ADAMTSL1: variants seen among roughly 807,000 people sequenced by gnomAD.
ADAMTSL1 encodes ADAMTS like 1.
ADAMTSL1 carries 126 observed loss-of-function variants against 201.8 expected under a neutral mutation model. That is an observed-to-expected ratio of 0.62 (90% confidence interval 0.54 to 0.72). The LOEUF is 0.72. Ranked by LOEUF, ADAMTSL1 falls within the 30% of genes least tolerant of loss-of-function variation. The pLI is 0.00. For missense variants in ADAMTSL1, 2,679 were observed against 2,277.8 expected, an observed-to-expected ratio of 1.18 and a Z score of -3.59; for synonymous variants, 1,121 against 903.4, an observed-to-expected ratio of 1.24 and a Z score of -4.32.
At chr9:18,379,470 G>A (rs535774454) in intron 2 of ADAMTSL1, among the ~76,000 whole-genome samples, 1 of 152,214 alleles carries the variant, frequency 6.6e-6, no homozygotes, top group Admixed American at 6.5e-5. Flanking sequence ...TGCCCAGTGG[G>A]GGCTCTCATT....
intron 1 of ADAMTSL1, among the ~76,000 whole-genome samples, chr9:17,984,067 T>G (rs1284717708): frequency 5.3e-5 from 8 of 152,184 alleles, no homozygotes; most frequent in African/African-American, 1.9e-4. Flanking sequence ...AATTGAAAAT[T>G]ATTTTCCAAG....
chr9:18,071,480 G>T (rs1265380974), intron 1 of ADAMTSL1, among the ~76,000 whole-genome samples: 1 of 152,158 alleles, frequency 6.6e-6, no homozygotes, highest in Non-Finnish European at 1.5e-5. Context: ...TTAGTAAGTG[G>T]TTATGTTATT....
chr9:18,712,590 G>C (rs1180451813), intron 14 of ADAMTSL1, among the ~76,000 whole-genome samples: 1 of 151,780 alleles, frequency 6.6e-6, no homozygotes, highest in Non-Finnish European at 1.5e-5. Context: ...CAAGAAATAT[G>C]GGACTATGTG....
At chr9:17,926,029 A>G (rs888952225) in intron 1 of ADAMTSL1, among the ~76,000 whole-genome samples, 2 of 151,982 alleles carry the variant, frequency 1.3e-5, no homozygotes, top group African/African-American at 2.4e-5. Context: ...TGTTCTCCCC[A>G]TTTCTACCAC....
At chr9:17,985,299 A>G (rs1252096849) in intron 1 of ADAMTSL1, among the ~76,000 whole-genome samples, 1 of 152,146 alleles carries the variant, frequency 6.6e-6, no homozygotes, top group East Asian at 1.9e-4. Context: ...GATTTTCCAA[A>G]TATTAAACCT....
At chr9:18,639,474 C>T in intron 7 of ADAMTSL1, 63 bp downstream of exon 7, 1 of 1,561,774 alleles carries the variant, frequency 6.4e-7, no homozygotes. Context: ...TTATAATTTC[C>T]TGAGCAGAGA....
rs984762511 is a variant in ADAMTSL1, at chr9:18,860,921, C to A, written c.4250-26910C>A. On this transcript the variant is annotated intron_variant, in intron 23 of 28. Transcript: ENST00000380548. ...TGCTCTGTCCACGTCTGGATTTAGG[C>A]TTTCAAATCTGCTGTCCTTGGAATG... Among the ~76,000 whole-genome samples the A allele has an allele frequency of 2.0e-5, 3 of 152,204 alleles. No homozygotes were observed. In the East Asian group the frequency reaches 5.8e-4, roughly 29 times the overall value.
intron 1 of ADAMTSL1, among the ~76,000 whole-genome samples, chr9:17,942,634 C>A (rs1827287465): frequency 6.6e-6 from 1 of 152,136 alleles, no homozygotes; most frequent in South Asian, 2.1e-4. Context: ...TACCAACCTG[C>A]CAACTGTCAC....
At chr9:18,779,611 C>T (rs56235899) in intron 19 of ADAMTSL1, among the ~76,000 whole-genome samples, 21,339 of 152,220 alleles carry the variant, frequency 0.14, 1,860 homozygotes, top group Non-Finnish European at 0.2. Flanking sequence ...TCTGTCCACG[C>T]CCTCCAGCCC....
chr9:18,109,874 C>T (rs565783305), intron 1 of ADAMTSL1, among the ~76,000 whole-genome samples: 38 of 152,228 alleles, frequency 2.5e-4, no homozygotes, highest in African/African-American at 9.1e-4. Flanking sequence ...CGTATAAAAC[C>T]AAAGAGAGCA....
chr9:18,853,671 G>A (rs762185851), intron 23 of ADAMTSL1, among the ~76,000 whole-genome samples: 1 of 152,190 alleles, frequency 6.6e-6, no homozygotes, highest in Admixed American at 6.5e-5. Flanking sequence ...GTCTCCCAAA[G>A]TTATCCTGGC....
At chr9:18,667,183 C>A (rs998273859) in intron 9 of ADAMTSL1, among the ~76,000 whole-genome samples, 1 of 151,656 alleles carries the variant, frequency 6.6e-6, no homozygotes, top group African/African-American at 2.4e-5. Flanking sequence ...TGTATACCCC[C>A]AAGCGGCAAT....
chr9:18,262,246 TA>T (rs1177214415), intron 2 of ADAMTSL1, among the ~76,000 whole-genome samples: 2 of 152,046 alleles, frequency 1.3e-5, no homozygotes, highest in African/African-American at 4.8e-5. Flanking sequence ...CTAAGGATCA[TA>T]TATTAGGGGG....
At chr9:18,174,390 A>G (rs1361886672) in intron 2 of ADAMTSL1, among the ~76,000 whole-genome samples, 1 of 152,182 alleles carries the variant, frequency 6.6e-6, no homozygotes, top group Non-Finnish European at 1.5e-5. Context: ...GTGGTTGAAC[A>G]AGGTCATTTG....
chr9:18,333,585 C>G (rs2132923111), intron 2 of ADAMTSL1, among the ~76,000 whole-genome samples: 1 of 152,196 alleles, frequency 6.6e-6, no homozygotes, highest in Non-Finnish European at 1.5e-5. Context: ...CAAATAAATT[C>G]AGTTGGTTGA....
chr9:18,229,791 G>A (rs1830577964), intron 2 of ADAMTSL1, among the ~76,000 whole-genome samples: 1 of 152,002 alleles, frequency 6.6e-6, no homozygotes, highest in African/African-American at 2.4e-5. Flanking sequence ...CACCTCCCGG[G>A]TTCAAGCAAT....
At chr9:18,485,307 A>T (rs1051022625) in intron 1 of ADAMTSL1, among the ~76,000 whole-genome samples, 1 of 152,242 alleles carries the variant, frequency 6.6e-6, no homozygotes. Flanking sequence ...AAGAAAAAAA[A>T]TAACTAAACA....
rs1587315253 is a variant in ADAMTSL1 at position 18,474,162 on chromosome 9, T to A, written c.-71T>A. 1.8e-5 allele frequency: 26 copies of A among 1,421,034 alleles called. No homozygotes were observed. In the East Asian group the frequency reaches 5.9e-4, roughly 32 times the overall value. The allele number at this position is 1,421,034 out of a possible 1,614,324, so 88.0% of individuals were successfully genotyped here. The stretch of plus-strand genomic sequence containing the variant: ...CTGGAGTGTTAGCACCAGTACTGGA[T>A]GTGACAGCAGGCAGAGGAGCACTTA... On this transcript the variant is annotated 5_prime_UTR_variant, in exon 1 of 29. An upstream start codon of the reference 5' UTR is lost. Transcript: ENST00000380548.
In ADAMTSL1 at chr9:18,681,876, T is replaced by G. The variant is rs753887278; in HGVS notation, c.1406T>G (p.Met469Arg). The change falls in exon 12 of 29, where the codon ATG (methionine) becomes AGG (arginine). Residue 469 changes from methionine (M) to arginine (R), a missense_variant. By Grantham distance (91) the Met-to-Arg change is moderately conservative (BLOSUM62 -1). Coordinates refer to ENST00000380548, the MANE Select transcript of ADAMTSL1 (RefSeq NM_001040272.6). ...GTCCTCTGCATCGACCATCGAGGAA[T>G]GCACACAGGAGGCTGTAGCCCAAAA... ...RVVLCIDHRG[M>R]HTGGCSPKTK... The G allele has an allele frequency of 1.9e-6, 3 of 1,613,928 alleles. No individual in the cohort carries two copies. Among genetic ancestry groups the G allele is most frequent in the African/African-American group, 1.3e-5 (1 of 74,910 alleles).
Sources: allele counts gnomAD v4.1 joint callset (sites outside exome capture counted in the v4.1 genomes callset), GRCh38; gene constraint gnomAD v4.1.1; transcripts MANE v1.5; gene names NCBI Gene and HGNC (gene_info 2026-07-23, HGNC 2026-07-21).